The following CHCHD6 variants were observed in gnomAD, a reference collection of about 807,000 sequenced individuals.
CHCHD6 encodes the protein MICOS complex subunit MIC25.
Under a neutral mutation model 32.3 loss-of-function variants are expected in CHCHD6, and 28 were observed. The observed-to-expected ratio is 0.87, with a 90% CI of 0.64 to 1.19. CHCHD6 has a LOEUF of 1.19. Among genes scored for constraint, CHCHD6 ranks in the 50% most tolerant of loss-of-function variants. CHCHD6 has a pLI of 0.00. For synonymous variants in CHCHD6, 122 were observed against 117.5 expected, an observed-to-expected ratio of 1.04 and a Z score of -0.25; for missense variants, 333 against 307.0, an observed-to-expected ratio of 1.08 and a Z score of -0.63.
chr3:126,888,761 T>C (rs2077713004), intron 5 of CHCHD6, among the ~76,000 whole-genome samples: 1 of 152,156 alleles, frequency 6.6e-6, no homozygotes, highest in Non-Finnish European at 1.5e-5. Flanking sequence ...TCCCCCACCA[T>C]GGAGCAGTGC....
intron 4 of CHCHD6, among the ~76,000 whole-genome samples, chr3:126,769,512 T>C (rs910542577): frequency 6.6e-6 from 1 of 152,154 alleles, no homozygotes; most frequent in African/African-American, 2.4e-5. Context: ...TTTTTTTCTT[T>C]CATTTTTTTG....
At chr3:126,899,920 T>C (rs368811558) in intron 5 of CHCHD6, among the ~76,000 whole-genome samples, 11 of 152,362 alleles carry the variant, frequency 7.2e-5, no homozygotes, top group African/African-American at 2.6e-4. Flanking sequence ...GAGCCAATAA[T>C]TCCCTTGAGC....
intron 3 of CHCHD6, among the ~76,000 whole-genome samples, chr3:126,732,035 C>T (rs138228016): frequency 0.011 from 1,612 of 145,846 alleles, 92 homozygotes; most frequent in Admixed American, 0.096. Flanking sequence ...GTTATGATTG[C>T]ACCACTGCAC....
intron 4 of CHCHD6, among the ~76,000 whole-genome samples, chr3:126,778,926 ATTT>A (rs71150453): frequency 3.0e-5 from 4 of 133,148 alleles, no homozygotes; most frequent in Admixed American, 7.6e-5. Context: ...GGCTCATTAA[ATTT>A]TTTTTTTTTT....
chr3:126,917,291 C>G (rs760003218), intron 6 of CHCHD6, among the ~76,000 whole-genome samples: 4 of 152,218 alleles, frequency 2.6e-5, no homozygotes, highest in Admixed American at 1.3e-4. Context: ...CTGGAGAGGT[C>G]GAATAACTCC....
chr3:126,935,089 G>A (rs2078459904), intron 6 of CHCHD6: 6 of 983,656 alleles, frequency 6.1e-6, no homozygotes, highest in Middle Eastern at 2.8e-4. Flanking sequence ...CTTGCCATTC[G>A]TTCCAGGGTT....
intron 4 of CHCHD6, among the ~76,000 whole-genome samples, chr3:126,774,478 C>T (rs1271995898): frequency 2.6e-5 from 4 of 152,120 alleles, no homozygotes; most frequent in Non-Finnish European, 5.9e-5. Flanking sequence ...TGTGTAGTTC[C>T]ATGTCACTTT....
intron 4 of CHCHD6, among the ~76,000 whole-genome samples, chr3:126,823,059 C>T (rs1385199363): frequency 1.3e-5 from 2 of 152,018 alleles, no homozygotes; most frequent in East Asian, 1.9e-4. Flanking sequence ...GCACACATCA[C>T]CACACCCTGC....
intron 5 of CHCHD6, among the ~76,000 whole-genome samples, chr3:126,906,965 T>C (rs1431158508): frequency 8.5e-5 from 13 of 152,158 alleles, no homozygotes. Context: ...TTTGAGGGTA[T>C]AGGGACCATG....
intron 4 of CHCHD6, among the ~76,000 whole-genome samples, chr3:126,739,683 T>G (rs748213468): frequency 2.2e-4 from 33 of 152,250 alleles, no homozygotes; most frequent in South Asian, 2.1e-4. Flanking sequence ...GGAAAAGTCA[T>G]TAACTTCTAC....
At chr3:126,772,464 T>A (rs1937561501) in intron 4 of CHCHD6, among the ~76,000 whole-genome samples, 1 of 152,234 alleles carries the variant, frequency 6.6e-6, no homozygotes, top group Non-Finnish European at 1.5e-5. Context: ...TAGGTCTTCG[T>A]GTTAAATTGA....
At chr3:126,785,050 T>C (rs988835476) in intron 4 of CHCHD6, among the ~76,000 whole-genome samples, 2 of 152,218 alleles carry the variant, frequency 1.3e-5, no homozygotes, top group Non-Finnish European at 2.9e-5. Flanking sequence ...TTCCCATGTT[T>C]CCTTCATCCA....
chr3:126,808,059 CT>C (rs1939494764), intron 4 of CHCHD6, among the ~76,000 whole-genome samples: 1 of 152,216 alleles, frequency 6.6e-6, no homozygotes. Context: ...AGCTGATTCA[CT>C]TGCCTTTGGA....
intron 4 of CHCHD6, among the ~76,000 whole-genome samples, chr3:126,812,515 C>G (rs1356697496): frequency 6.6e-6 from 1 of 151,904 alleles, no homozygotes; most frequent in Non-Finnish European, 1.5e-5. Context: ...CCTCCGCCTC[C>G]TGGGTTCAAG....
chr3:126,788,811 C>G (rs529573641), intron 4 of CHCHD6, among the ~76,000 whole-genome samples: 1 of 152,108 alleles, frequency 6.6e-6, no homozygotes, highest in Non-Finnish European at 1.5e-5. Context: ...TTTTTTGTGT[C>G]TCTATCTCCT....
intron 1 of CHCHD6, among the ~76,000 whole-genome samples, chr3:126,720,347 C>A (rs924887295): frequency 6.6e-6 from 1 of 152,204 alleles, no homozygotes; most frequent in African/African-American, 2.4e-5. Flanking sequence ...AGGTTCATTC[C>A]TCACTGCTGA....
intron 1 of CHCHD6, among the ~76,000 whole-genome samples, chr3:126,716,017 GCTCCTC>G (rs1353146443): frequency 6.6e-6 from 1 of 152,124 alleles, no homozygotes; most frequent in East Asian, 1.9e-4. Context: ...ACTTCTCAGT[GCTCCTC>G]CTCCTGATTT....
intron 4 of CHCHD6, among the ~76,000 whole-genome samples, chr3:126,801,670 A>T (rs1227566547): frequency 1.3e-5 from 2 of 152,236 alleles, no homozygotes; most frequent in Non-Finnish European, 2.9e-5. Flanking sequence ...TAACCTCTGC[A>T]GACTTAAATG....
At chr3:126,945,839 TGAG>T (rs1281186472) in intron 6 of CHCHD6, among the ~76,000 whole-genome samples, 5 of 143,538 alleles carry the variant, frequency 3.5e-5, no homozygotes, top group Non-Finnish European at 7.6e-5. Flanking sequence ...TGGGGAGACT[TGAG>T]GGGGGAAGTG....
Sources: allele counts gnomAD v4.1 joint callset (sites outside exome capture counted in the v4.1 genomes callset), GRCh38; gene constraint gnomAD v4.1.1; transcripts MANE v1.5; gene names NCBI Gene and HGNC (gene_info 2026-07-23, HGNC 2026-07-21).